Variants in ATP8A2 observed in about 807,000 individuals in gnomAD.
The protein encoded by ATP8A2 is ATPase phospholipid transporting 8A2.
Under a neutral mutation model 165.6 loss-of-function variants are expected in ATP8A2, and 100 were observed. The observed-to-expected ratio is 0.60, with a 90% CI of 0.51 to 0.71. The LOEUF (loss-of-function observed/expected upper bound fraction) is 0.71. ATP8A2 is among the 30% of genes least tolerant of loss of function. The probability of loss-of-function intolerance (pLI) is 0.00; values close to 1 mark genes in which losing one functional copy is unlikely to be tolerated. For missense variants in ATP8A2, 1,227 were observed against 1,479.5 expected, an observed-to-expected ratio of 0.83 and a Z score of 2.80; for synonymous variants, 543 against 548.8, an observed-to-expected ratio of 0.99 and a Z score of 0.15.
chr13:25,936,015 A>G (rs1954878489), intron 33 of ATP8A2, among the ~76,000 whole-genome samples: 1 of 152,248 alleles, frequency 6.6e-6, no homozygotes, highest in South Asian at 2.1e-4. Context: ...AATCATCCTC[A>G]GTCAAAAGAT....
At chr13:25,591,053 C>T (rs1285766136) in intron 24 of ATP8A2, among the ~76,000 whole-genome samples, 3 of 152,056 alleles carry the variant, frequency 2.0e-5, no homozygotes, top group Non-Finnish European at 2.9e-5. Context: ...GGAAATCTCT[C>T]CTCTACCCAA....
chr13:25,815,014 G>T (rs1950974272), intron 27 of ATP8A2, among the ~76,000 whole-genome samples: 1 of 151,488 alleles, frequency 6.6e-6, no homozygotes, highest in East Asian at 1.9e-4. Context: ...AGCCTGGGCG[G>T]CAGAGTGAGA....
At chr13:25,378,476 A>G (rs1324559747) in intron 1 of ATP8A2, among the ~76,000 whole-genome samples, 1 of 152,120 alleles carries the variant, frequency 6.6e-6, no homozygotes, top group African/African-American at 2.4e-5. Context: ...AGGAAGATTT[A>G]TGCCATTTTG....
intron 25 of ATP8A2, among the ~76,000 whole-genome samples, chr13:25,725,014 G>A (rs2043462725): frequency 6.6e-6 from 1 of 152,160 alleles, no homozygotes; most frequent in African/African-American, 2.4e-5. Context: ...ACCCTAGATA[G>A]GCAGATTTCC....
At chr13:25,857,570 C>CTTTTTTTTTT (rs71080207) in intron 30 of ATP8A2, among the ~76,000 whole-genome samples, 1 of 91,582 alleles carries the variant, frequency 1.1e-5, no homozygotes, top group Non-Finnish European at 2.1e-5. Context: ...CTTTTTTTTC[C>CTTTTTTTTTT]TTTTTTTTTT....
chr13:25,767,295 A>G (rs1049146824), intron 25 of ATP8A2, among the ~76,000 whole-genome samples: 1 of 152,234 alleles, frequency 6.6e-6, no homozygotes, highest in African/African-American at 2.4e-5. Flanking sequence ...ATTGATAAGC[A>G]GTGTTAAAGC....
intron 1 of ATP8A2, among the ~76,000 whole-genome samples, chr13:25,385,916 A>T (rs9578856): frequency 2.7e-4 from 36 of 133,484 alleles, no homozygotes; most frequent in African/African-American, 8.1e-4. Context: ...TTGGGCTTAA[A>T]TTTTTTTTTT....
At chr13:25,385,833 AG>A (rs2033021425) in intron 1 of ATP8A2, among the ~76,000 whole-genome samples, 1 of 151,996 alleles carries the variant, frequency 6.6e-6, no homozygotes, top group South Asian at 2.1e-4. Flanking sequence ...CTGGGACTAC[AG>A]GTACACACCA....
At chr13:25,378,295 T>C (rs913039449) in intron 1 of ATP8A2, among the ~76,000 whole-genome samples, 1 of 152,136 alleles carries the variant, frequency 6.6e-6, no homozygotes, top group Non-Finnish European at 1.5e-5. Context: ...TCATATAATA[T>C]TTCATGCTAA....
At chr13:25,624,790 A>G (rs752011982) in intron 24 of ATP8A2, among the ~76,000 whole-genome samples, 2 of 152,216 alleles carry the variant, frequency 1.3e-5, no homozygotes, top group Admixed American at 6.6e-5. Flanking sequence ...ATTGATTAGT[A>G]CAATTTTCCT....
chr13:25,390,849 C>T (rs148378137), intron 1 of ATP8A2, among the ~76,000 whole-genome samples: 10 of 151,360 alleles, frequency 6.6e-5, no homozygotes, highest in Middle Eastern at 3.4e-3. Context: ...TGCTTGAACC[C>T]GGGAGGCAGA....
At chr13:25,650,063 G>C (rs2041773847) in intron 24 of ATP8A2, among the ~76,000 whole-genome samples, 1 of 152,164 alleles carries the variant, frequency 6.6e-6, no homozygotes, top group African/African-American at 2.4e-5. Context: ...ATTTGCTTTC[G>C]GGTTCTCTTT....
chr13:25,471,166 T>A (rs576673587), intron 2 of ATP8A2, among the ~76,000 whole-genome samples: 1 of 152,334 alleles, frequency 6.6e-6, no homozygotes, highest in South Asian at 2.1e-4. Flanking sequence ...ATATACTGTA[T>A]AAGGATATGG....
chr13:25,878,234 T>C (rs1952872259), intron 33 of ATP8A2, among the ~76,000 whole-genome samples: 1 of 152,156 alleles, frequency 6.6e-6, no homozygotes, highest in South Asian at 2.1e-4. Context: ...GTTAGGCTCC[T>C]TCAGACAACC....
At chr13:25,373,481 G>T (rs974337486) in intron 1 of ATP8A2, among the ~76,000 whole-genome samples, 38 of 152,290 alleles carry the variant, frequency 2.5e-4, no homozygotes, top group African/African-American at 8.2e-4. Flanking sequence ...GTGGCAGAGA[G>T]ACAGTGGGAG....
At chr13:25,463,166 A>G (rs868113233) in intron 1 of ATP8A2, among the ~76,000 whole-genome samples, 59 of 132,658 alleles carry the variant, frequency 4.4e-4, no homozygotes, top group African/African-American at 1.5e-3. Flanking sequence ...CTTTTTTGCC[A>G]GGGAAATAAC....
chr13:25,788,770 G>A (rs1245713995), intron 27 of ATP8A2, among the ~76,000 whole-genome samples: 1 of 152,166 alleles, frequency 6.6e-6, no homozygotes, highest in Non-Finnish European at 1.5e-5. Flanking sequence ...TCCTGTTTGT[G>A]CATTCAGAAT....
chr13:25,803,900 TA>T (rs1950674063), intron 27 of ATP8A2, among the ~76,000 whole-genome samples: 1 of 152,260 alleles, frequency 6.6e-6, no homozygotes, highest in African/African-American at 2.4e-5. Context: ...CTAGCTTTTC[TA>T]AAACGCCATC....
intron 30 of ATP8A2, among the ~76,000 whole-genome samples, chr13:25,857,034 C>T (rs1175639302): frequency 1.3e-5 from 2 of 152,192 alleles, no homozygotes; most frequent in African/African-American, 2.4e-5. Flanking sequence ...AGCTCTGAAT[C>T]TTCCAGTGGT....
Sources: allele counts gnomAD v4.1 joint callset (sites outside exome capture counted in the v4.1 genomes callset), GRCh38; gene constraint gnomAD v4.1.1; transcripts MANE v1.5; gene names NCBI Gene and HGNC (gene_info 2026-07-23, HGNC 2026-07-21).